The following SLIT2 variants were observed in gnomAD, a reference collection of about 807,000 sequenced individuals.
SLIT2 encodes the protein slit guidance ligand 2.
Under a neutral mutation model 185.7 loss-of-function variants are expected in SLIT2, and 41 were observed. That is an observed-to-expected ratio of 0.22 (90% CI 0.17 to 0.29). The LOEUF is 0.29. Among genes scored for constraint, SLIT2 ranks in the 10% least tolerant of loss-of-function variants. SLIT2 has a pLI of 1.00. For synonymous variants in SLIT2, 693 were observed against 680.2 expected, an observed-to-expected ratio of 1.02 and a Z score of -0.29; for missense variants, 1,571 against 1,909.0, an observed-to-expected ratio of 0.82 and a Z score of 3.30.
intron 19 of SLIT2, among the ~76,000 whole-genome samples, chr4:20,540,563 T>A (rs1256825322): frequency 6.6e-6 from 1 of 152,028 alleles, no homozygotes; most frequent in Non-Finnish European, 1.5e-5. Flanking sequence ...GTATTTCAGG[T>A]CTCTTATATG....
At chr4:20,372,593 G>T (rs1723682303) in intron 4 of SLIT2, among the ~76,000 whole-genome samples, 1 of 151,828 alleles carries the variant, frequency 6.6e-6, no homozygotes. Flanking sequence ...GCTAAATTCT[G>T]ACTTTCATGC....
chr4:20,398,591 A>G (rs1287153540), intron 4 of SLIT2, among the ~76,000 whole-genome samples: 1 of 151,610 alleles, frequency 6.6e-6, no homozygotes, highest in African/African-American at 2.4e-5. Context: ...TCTTCTTGGC[A>G]CTTTCCTCGC....
chr4:20,325,537 T>C (rs1377963532), intron 4 of SLIT2, among the ~76,000 whole-genome samples: 1 of 152,014 alleles, frequency 6.6e-6, no homozygotes, highest in African/African-American at 2.4e-5. Flanking sequence ...AGAAAATACC[T>C]ACACCATTCA....
intron 29 of SLIT2, among the ~76,000 whole-genome samples, chr4:20,581,176 G>A (rs1726532660): frequency 6.6e-6 from 1 of 152,128 alleles, no homozygotes; most frequent in South Asian, 2.1e-4. Context: ...AGGATTGTGA[G>A]GGAAATGTCT....
chr4:20,510,540 C>G lies in SLIT2; in HGVS notation c.960C>G (p.Phe320Leu). ...NTIKVIPPGA[F>L]SPYKKLRRID... ...TCAAAGTCATCCCTCCTGGAGCTTT[C>G]TCACCATATAAAAAGCTTAGACGAA... Residue 320 changes from phenylalanine (F) to leucine (L), a missense_variant, in exon 10 of 37, where the codon TTC becomes TTG. Physicochemically the swap from Phe to Leu is conservative, Grantham distance 22 (BLOSUM62 0). Around this residue, in one of 3 missense-constraint regions of SLIT2, gnomAD observed 1,202 missense variants for 1,416.4 expected, o/e 0.85. Coordinates refer to ENST00000504154, the MANE Select transcript of SLIT2 (RefSeq NM_004787.4). The G allele has an allele frequency of 6.2e-7, 1 of 1,609,514 alleles. No homozygotes were observed. The highest frequency in any genetic ancestry group is 8.5e-7 in the Non-Finnish European group (1 of 1,176,394).
At chr4:20,396,063 C>T (rs1045678828) in intron 4 of SLIT2, among the ~76,000 whole-genome samples, 1 of 151,832 alleles carries the variant, frequency 6.6e-6, no homozygotes, top group Non-Finnish European at 1.5e-5. Flanking sequence ...ATTCTGTCAT[C>T]CAGGTACATA....
At chr4:20,391,228 C>A (rs961219368) in intron 4 of SLIT2, among the ~76,000 whole-genome samples, 1 of 151,912 alleles carries the variant, frequency 6.6e-6, no homozygotes, top group Non-Finnish European at 1.5e-5. Flanking sequence ...TGGGTGATAA[C>A]CTGATAGTTT....
At chr4:20,590,562 C>A (rs573004106) in intron 30 of SLIT2, among the ~76,000 whole-genome samples, 1 of 152,316 alleles carries the variant, frequency 6.6e-6, no homozygotes, top group East Asian at 1.9e-4. Flanking sequence ...TCTCTTCCAA[C>A]TTAAATATTT....
At chr4:20,550,459 G>T (rs1343384635) in intron 24 of SLIT2, among the ~76,000 whole-genome samples, 2 of 151,458 alleles carry the variant, frequency 1.3e-5, no homozygotes, top group African/African-American at 4.8e-5. Flanking sequence ...ATATTTTATT[G>T]TTTGGATATA....
chr4:20,270,117 C>G lies in SLIT2; in HGVS notation c.395+1236C>G, dbSNP rs534974502. Among the ~76,000 whole-genome samples the G allele has an allele frequency of 5.3e-5, 8 of 152,000 alleles. No homozygotes were observed. The South Asian group carries it at 1.7e-3, about 32-fold the overall frequency. ...GAATTGCATTTTTAACAAAAATTATCTAATAACTATTTTTACTTAGGAAAT... is the reference window on the plus strand; with the variant it reads ...GAATTGCATTTTTAACAAAAATTATGTAATAACTATTTTTACTTAGGAAAT... On this transcript the variant is annotated intron_variant, in intron 4 of 36. Transcript: ENST00000504154.
intron 8 of SLIT2, among the ~76,000 whole-genome samples, chr4:20,491,299 A>G (rs1262717698): frequency 6.6e-6 from 1 of 152,220 alleles, no homozygotes. Flanking sequence ...AATTTGAGCA[A>G]CAATTATCTT....
Position 20,553,671 on chromosome 4 carries a change from G to A in SLIT2, c.2562-134G>A, listed in dbSNP as rs904675988. 4 of 801,522 alleles carry A rather than the reference G, an allele frequency of 5.0e-6. No individual in the cohort carries two copies. In the African/African-American group the frequency reaches 7.2e-5, roughly 14 times the overall value. The allele number at this position is 801,522 out of a possible 1,614,324, so 49.7% of individuals were successfully genotyped here. Reference sequence around the variant, plus strand: ...AATTGTTATCCTCAATAAATCTATGGGGATTTTCTGCTGAGCATCACTTTG... The same window carrying A: ...AATTGTTATCCTCAATAAATCTATGAGGATTTTCTGCTGAGCATCACTTTG... On this transcript the variant is annotated intron_variant, in intron 25 of 36. Transcript: ENST00000504154.
At position 20,598,374 on chromosome 4, in the gene SLIT2, A is replaced by T. The variant is rs775840203; in HGVS notation, c.3671A>T (p.His1224Leu). ...CGTGCCAGCTATGACACCGGCTCTC[A>T]TCCAGCTTCTGCCATTTACAGGTGA... ...RVRASYDTGS[H>L]PASAIYSVET... The change falls in exon 33 of 37, where the codon CAT becomes CTT. Residue 1224 changes from histidine (H) to leucine (L), a missense_variant. His to Leu is a moderately conservative substitution (Grantham distance 99, BLOSUM62 -3). Coordinates refer to ENST00000504154, the MANE Select transcript of SLIT2 (RefSeq NM_004787.4). 2.5e-6 allele frequency: 4 copies of T among 1,614,156 alleles called. No individual in the cohort carries two copies. The highest frequency in any genetic ancestry group is 1.1e-5 in the South Asian group (1 of 91,080).
intron 9 of SLIT2, among the ~76,000 whole-genome samples, chr4:20,503,814 AT>A (rs1718959256): frequency 1.3e-5 from 2 of 152,190 alleles, no homozygotes; most frequent in African/African-American, 4.8e-5. Flanking sequence ...GTAAAATAAA[AT>A]TTAAAAATGA....
At chr4:20,614,606 G>C (rs1729500702) in intron 34 of SLIT2, among the ~76,000 whole-genome samples, 1 of 151,346 alleles carries the variant, frequency 6.6e-6, no homozygotes, top group Admixed American at 6.6e-5. Flanking sequence ...GGAGAAACCT[G>C]GTCTCTACTA....
At chr4:20,402,540 A>G (rs1257736563) in intron 4 of SLIT2, among the ~76,000 whole-genome samples, 2 of 151,884 alleles carry the variant, frequency 1.3e-5, no homozygotes, top group African/African-American at 4.8e-5. Context: ...TATTCAGCCT[A>G]AAGAAATAAA....
At chr4:20,545,664 T>C (rs12505707) in intron 21 of SLIT2, among the ~76,000 whole-genome samples, 3,574 of 152,180 alleles carry the variant, frequency 0.023, 59 homozygotes, top group South Asian at 0.1. Flanking sequence ...ATGAGTGGTC[T>C]TGGCCACAGC....
At chr4:20,349,231 C>G (rs898603155) in intron 4 of SLIT2, among the ~76,000 whole-genome samples, 17 of 152,138 alleles carry the variant, frequency 1.1e-4, no homozygotes, top group African/African-American at 4.1e-4. Flanking sequence ...CAGTTAGTTC[C>G]AAATGATGTA....
At chr4:20,380,128 C>T (rs1047483203) in intron 4 of SLIT2, among the ~76,000 whole-genome samples, 3 of 152,026 alleles carry the variant, frequency 2.0e-5, no homozygotes, top group African/African-American at 7.2e-5. Flanking sequence ...TTTGTTCTTA[C>T]CAGCAATAGG....
Sources: allele counts gnomAD v4.1 joint callset (sites outside exome capture counted in the v4.1 genomes callset), GRCh38; gene constraint gnomAD v4.1.1; regional missense constraint gnomAD v4.1.1; transcripts MANE v1.5; gene names NCBI Gene and HGNC (gene_info 2026-07-23, HGNC 2026-07-21).